Variants in KCNC3 observed in about 807,000 individuals in gnomAD.
KCNC3 encodes potassium voltage-gated channel subfamily C member 3, also known as voltage-gated potassium channel KCNC3.
KCNC3 carries 22 observed loss-of-function variants against 43.9 expected under a neutral mutation model. The ratio of observed to expected loss-of-function variants is 0.50; its 90% CI spans 0.36 to 0.72. The LOEUF (loss-of-function observed/expected upper bound fraction) is 0.72, where lower values mean the gene tolerates loss of function less well. Among genes scored for constraint, KCNC3 ranks in the 30% least tolerant of loss-of-function variants. The probability of loss-of-function intolerance (pLI) is 0.00; values close to 1 mark genes in which losing one functional copy is unlikely to be tolerated. For missense variants in KCNC3, 829 were observed against 1,073.8 expected (o/e 0.77, Z 3.19); for synonymous variants, 492 against 488.0 (o/e 1.01, Z -0.11).
rs1279765337 is a variant in KCNC3 at position 50,324,356 on chromosome 19, T to C, written c.871-274A>G. ...TGGGCAGCTTCTTTCCTTGGAAACATTTCTGGCCCCTTGCTGTTTCCTAGA... is the reference window on the plus strand; with the variant it reads ...TGGGCAGCTTCTTTCCTTGGAAACACTTCTGGCCCCTTGCTGTTTCCTAGA... On this transcript the variant is annotated intron_variant, in intron 1 of 4. Coordinates refer to ENST00000477616, the MANE Select transcript of KCNC3 (RefSeq NM_004977.3). This position sits in a 1 kb window ranked among gnomAD's most constrained non-coding sequence, Gnocchi z 4.1. 6.6e-6 allele frequency among the ~76,000 whole-genome samples: 1 copy of C among 152,182 alleles called. No individual in the cohort carries two copies. The highest frequency in any genetic ancestry group is 1.5e-5 in the Non-Finnish European group (1 of 68,026).
At chr19:50,319,778 C>T (rs1293245245) in intron 4 of KCNC3, among the ~76,000 whole-genome samples, 1 of 152,144 alleles carries the variant, frequency 6.6e-6, no homozygotes. Flanking sequence ...TCCCCATGCC[C>T]AGTACCTGGG....
chr19:50,325,687 G>A (rs557991870), intron 1 of KCNC3, among the ~76,000 whole-genome samples: 3 of 152,154 alleles, frequency 2.0e-5, no homozygotes, highest in Non-Finnish European at 4.4e-5. Flanking sequence ...CCGGGCGCGC[G>A]GCGCTAGCTG....
In KCNC3 at chr19:50,323,738, G is replaced by A. The variant is rs116590290; in HGVS notation, c.1215C>T (p.Ala405=). 1.9e-3 allele frequency: 3,084 copies of A among 1,614,226 alleles called. 2 individuals are homozygous for A. The highest frequency in any genetic ancestry group is 2.4e-3 in the Non-Finnish European group (2,883 of 1,180,040). The change falls in exon 2 of 5, where the codon GCC becomes GCT. Residue 405 remains alanine, a synonymous_variant. Coordinates refer to ENST00000477616, the MANE Select transcript of KCNC3 (RefSeq NM_004977.3). ...EVGLSGLSSK[A]AKDVLGFLRV... is the part of the protein sequence containing the mutation. ...GCAGGAAGCCCAGCACGTCTTTGGCGGCCTTGGAGCTGAGGCCCGAGAGGC... is the reference window on the plus strand; with the variant it reads ...GCAGGAAGCCCAGCACGTCTTTGGCAGCCTTGGAGCTGAGGCCCGAGAGGC...
intron 1 of KCNC3, among the ~76,000 whole-genome samples, chr19:50,325,886 G>T (rs1371782006): frequency 6.6e-6 from 1 of 151,526 alleles, no homozygotes; most frequent in African/African-American, 2.4e-5. Context: ...CAAGGGCCAA[G>T]AGTCTAATTA....
intron 4 of KCNC3, among the ~76,000 whole-genome samples, chr19:50,318,467 C>T (rs1415373755): frequency 6.6e-6 from 1 of 152,118 alleles, no homozygotes; most frequent in African/African-American, 2.4e-5. Flanking sequence ...GAGCCACCCC[C>T]GCCGCCCAGC....
chr19:50,325,140 A>C (rs957905681), intron 1 of KCNC3, among the ~76,000 whole-genome samples: 1 of 151,980 alleles, frequency 6.6e-6, no homozygotes, highest in Non-Finnish European at 1.5e-5. Context: ...GAAGGCCTAG[A>C]AGAGGAGGGA....
chr19:50,322,674 T>A (rs2037048116), intron 2 of KCNC3, among the ~76,000 whole-genome samples: 1 of 152,066 alleles, frequency 6.6e-6, no homozygotes, highest in Admixed American at 6.6e-5. Context: ...TCTTTCTGTG[T>A]CTCTCTGAGC....
At chr19:50,325,363 G>T (rs1389032460) in intron 1 of KCNC3, among the ~76,000 whole-genome samples, 1 of 152,160 alleles carries the variant, frequency 6.6e-6, no homozygotes, top group East Asian at 1.9e-4. Flanking sequence ...CACAGAGCAC[G>T]GGGAGGCCAC....
intron 4 of KCNC3, among the ~76,000 whole-genome samples, chr19:50,318,268 G>A (rs767265781): frequency 1.9e-4 from 29 of 151,840 alleles, no homozygotes; most frequent in Non-Finnish European, 3.7e-4. Context: ...TCCACCTCCC[G>A]GGTTCAAGTG....
rs143974158 is a variant in KCNC3 at position 50,324,544 on chromosome 19, G to A, written c.871-462C>T. Among the ~76,000 whole-genome samples the A allele has an allele frequency of 8.2e-3, 1,243 of 152,202 alleles. 19 individuals carry two copies. The highest frequency in any genetic ancestry group is 0.028 in the African/African-American group (1,178 of 41,552). ...TTGGAGCTGGGCAGACGGGAAGGGA[G>A]AAGGCGGGCAGGGAGGCAGAATCGT... On this transcript the variant is annotated intron_variant, in intron 1 of 4. Transcript: ENST00000477616. This position sits in a 1 kb window ranked among gnomAD's most constrained non-coding sequence, Gnocchi z 4.1.
chr19:50,322,638 G>A (rs181558071), intron 2 of KCNC3, among the ~76,000 whole-genome samples: 137 of 151,948 alleles, frequency 9.0e-4, no homozygotes, highest in African/African-American at 3.2e-3. Context: ...TCTGCCTCGG[G>A]TCTGCCTGTG....
chr19:50,330,840 C>T (rs1276146443), upstream of KCNC3, among the ~76,000 whole-genome samples: 1 of 151,984 alleles, frequency 6.6e-6, no homozygotes, highest in East Asian at 1.9e-4. Context: ...TCCCCGCCCC[C>T]TGGGCGGTCG....
In KCNC3 at chr19:50,320,642, G is replaced by A; in HGVS notation, c.2121C>T (p.Cys707=). 6.2e-7 allele frequency: 1 copy of A among 1,613,250 alleles called. No homozygotes were observed. The highest frequency in any genetic ancestry group is 1.1e-5 in the South Asian group (1 of 91,038). ...SRGRYSRDRA[C]FLLTDYAPSP... ...AAGGGGCATAGTCGGTGAGGAGGAAGCAGGCTCGGTCCCGGCTATAGCGGC... is the reference window on the plus strand; with the variant it reads ...AAGGGGCATAGTCGGTGAGGAGGAAACAGGCTCGGTCCCGGCTATAGCGGC... Residue 707 remains cysteine (C), a synonymous_variant, in exon 3 of 5, where the codon TGC becomes TGT. Coordinates refer to ENST00000477616, the MANE Select transcript of KCNC3 (RefSeq NM_004977.3).
intron 1 of KCNC3, among the ~76,000 whole-genome samples, chr19:50,327,352 G>A (rs1440487945): frequency 6.6e-6 from 1 of 152,140 alleles, no homozygotes; most frequent in African/African-American, 2.4e-5. Context: ...GAGTTGGCGT[G>A]GAGGTTGAAG....
chr19:50,320,271 T>A lies in KCNC3; in HGVS notation c.2249A>T (p.Asn750Ile). The part of the protein sequence containing the change: ...PPSFLPDLNA[N>I]AAAWISP ...CTAGGGGGATATCCAGGCCGCGGCG[T>A]TGGCGTTGAGGTCGGGCAAGAAGCT... is the stretch of plus-strand genomic sequence containing the variant. Residue 750 changes from asparagine to isoleucine, a missense_variant, in exon 4 of 5, where the codon AAC (asparagine) becomes ATC (isoleucine). Around this residue, in one of 7 missense-constraint regions of KCNC3, gnomAD observed 308 missense variants for 276.2 expected, o/e 1.11. Coordinates refer to ENST00000477616, the MANE Select transcript of KCNC3 (RefSeq NM_004977.3). The A allele has an allele frequency of 1.0e-6, 1 of 957,956 alleles. No homozygotes were observed. The highest frequency in any genetic ancestry group is 1.4e-6 in the Non-Finnish European group (1 of 733,136). 59.3% of individuals were successfully genotyped at this position (957,956 alleles called of 1,614,324 possible).
At position 50,322,953 on chromosome 19, in the gene KCNC3, G is replaced by C. The variant is rs73062515; in HGVS notation, c.1978+22C>G. On this transcript the variant is annotated intron_variant, in intron 2 of 4. Transcript: ENST00000477616. ...TCCCCGGGTCTCCACCTGTGCCCCC[G>C]ATCCCTGACGCCCAGGCTCACCTGC... is the stretch of plus-strand genomic sequence containing the variant. The C allele has an allele frequency of 9.8e-3, 15,186 of 1,549,722 alleles. 105 individuals are homozygous for C. The highest frequency in any genetic ancestry group is 0.011 in the Admixed American group (577 of 51,168).
chr19:50,329,710 C>CG (rs1383277798), upstream of KCNC3: 3 of 152,340 alleles, frequency 2.0e-5, no homozygotes, highest in African/African-American at 7.2e-5. Flanking sequence ...CTGCATGGGG[C>CG]GGGAACTAGA....
At chr19:50,321,641 G>A (rs974761251) in intron 2 of KCNC3, among the ~76,000 whole-genome samples, 1 of 151,940 alleles carries the variant, frequency 6.6e-6, no homozygotes, top group African/African-American at 2.4e-5. Context: ...ACAGTGGCGG[G>A]CGCCTGTAAT....
In KCNC3 at chr19:50,315,265, G is replaced by A. The variant is rs908066038; in HGVS notation, c.*850C>T. Among the ~76,000 whole-genome samples the A allele has an allele frequency of 6.6e-6, 1 of 151,590 alleles. No homozygotes were observed. Among genetic ancestry groups the A allele is most frequent in the African/African-American group, 2.4e-5 (1 of 41,224 alleles). On this transcript the variant is annotated 3_prime_UTR_variant, in exon 5 of 5. Coordinates refer to ENST00000477616, the MANE Select transcript of KCNC3 (RefSeq NM_004977.3). ...ACAAATCGGGGAGTCAGTCAACATCGATGAGAAAGGGGGAGACATCGGGGA... is the reference window on the plus strand; with the variant it reads ...ACAAATCGGGGAGTCAGTCAACATCAATGAGAAAGGGGGAGACATCGGGGA...
Sources: gnomAD v4.1 joint callset for allele counts (sites outside exome capture counted in the v4.1 genomes callset) on GRCh38, gnomAD v4.1.1 for gene constraint, gnomAD v4.1.1 regional missense constraint, Gnocchi (gnomAD v3.1) non-coding constraint, MANE v1.5 for transcripts, NCBI Gene and HGNC (gene_info 2026-07-23, HGNC 2026-07-21) for gene names.